Variants in TMEM131 observed in about 807,000 individuals in gnomAD.
TMEM131 encodes 2610524E03Rik.
TMEM131 carries 66 observed loss-of-function variants against 211.6 expected under a neutral mutation model. The observed-to-expected ratio is 0.31, with a 90% CI of 0.26 to 0.38. The LOEUF (loss-of-function observed/expected upper bound fraction) is 0.38, where lower values mean the gene tolerates loss of function less well. Ranked by LOEUF, TMEM131 falls within the 10% of genes least tolerant of loss-of-function variation. The pLI is 1.00. For synonymous variants in TMEM131, 844 were observed against 841.3 expected (o/e 1.00, Z -0.06); for missense variants, 2,036 against 2,299.3 (o/e 0.89, Z 2.34).
chr2:97,852,663 A>G (rs938183247), intron 5 of TMEM131, among the ~76,000 whole-genome samples: 2 of 152,260 alleles, frequency 1.3e-5, no homozygotes, highest in African/African-American at 4.8e-5. Flanking sequence ...AGTTGCAGCA[A>G]GTTATCCAGA....
intron 29 of TMEM131, among the ~76,000 whole-genome samples, chr2:97,794,683 A>G (rs1353018809): frequency 6.6e-6 from 1 of 152,226 alleles, no homozygotes; most frequent in Non-Finnish European, 1.5e-5. Flanking sequence ...GCATTTTAAA[A>G]AGATGTTAAA....
intron 4 of TMEM131, 56 bp from the exon 5 acceptor site, chr2:97,859,483 C>A: frequency 1.4e-6 from 2 of 1,407,216 alleles, no homozygotes; most frequent in Non-Finnish European, 1.9e-6. Flanking sequence ...CTGATTATTT[C>A]TAGTTGTTAA....
At chr2:97,830,142 A>AAC (rs1553602867) in intron 11 of TMEM131, among the ~76,000 whole-genome samples, 1 of 150,022 alleles carries the variant, frequency 6.7e-6, no homozygotes, top group African/African-American at 2.4e-5. Flanking sequence ...TAAAAAAAAA[A>AAC]AAAAAAAAAA....
At chr2:97,964,045 C>T (rs1445242454) in intron 1 of TMEM131, among the ~76,000 whole-genome samples, 2 of 152,152 alleles carry the variant, frequency 1.3e-5, no homozygotes, top group Non-Finnish European at 1.5e-5. Context: ...ATACTCCAAC[C>T]GACTTCCAAG....
chr2:97,803,964 T>C (rs1196008295), intron 22 of TMEM131, among the ~76,000 whole-genome samples: 1 of 152,214 alleles, frequency 6.6e-6, no homozygotes, highest in Non-Finnish European at 1.5e-5. Flanking sequence ...CTCTTTTGTA[T>C]TCATTTTAAC....
chr2:97,871,609 C>G (rs1409823945), intron 4 of TMEM131, among the ~76,000 whole-genome samples: 1 of 152,116 alleles, frequency 6.6e-6, no homozygotes, highest in African/African-American at 2.4e-5. Flanking sequence ...TCCTGTGGCC[C>G]CCACCCAAAG....
chr2:97,978,873 T>C (rs190932463), intron 1 of TMEM131, among the ~76,000 whole-genome samples: 1 of 152,332 alleles, frequency 6.6e-6, no homozygotes, highest in East Asian at 1.9e-4. Flanking sequence ...AGGTTTTCAA[T>C]GGACTTTGCC....
intron 4 of TMEM131, among the ~76,000 whole-genome samples, chr2:97,884,101 T>C (rs1675044086): frequency 6.6e-6 from 1 of 152,216 alleles, no homozygotes; most frequent in Non-Finnish European, 1.5e-5. Flanking sequence ...CTGTGCCCCA[T>C]AGGTTTTGGT....
intron 1 of TMEM131, among the ~76,000 whole-genome samples, chr2:97,956,846 C>T (rs931356134): frequency 7.2e-5 from 11 of 151,944 alleles, no homozygotes; most frequent in African/African-American, 2.7e-4. Context: ...CGGCTGTAAT[C>T]CCAGCAGTTT....
At position 97,965,484 on chromosome 2, in the gene TMEM131, G is replaced by A. The variant is rs115439653; in HGVS notation, c.187+29992C>T. On this transcript the variant is annotated intron_variant, in intron 1 of 40. Transcript: ENST00000186436. ...GCTGGACTCGGGGTACCCGCCAGGT[G>A]GTGTGGGGCTGGTTTCTCCAACATT... 6.2e-3 allele frequency among the ~76,000 whole-genome samples: 943 copies of A among 152,244 alleles called. 14 individuals carry two copies. Among genetic ancestry groups the A allele is most frequent in the African/African-American group, 0.02 (824 of 41,542 alleles).
chr2:97,776,339 G>A (rs952093251), intron 31 of TMEM131, among the ~76,000 whole-genome samples: 1 of 152,188 alleles, frequency 6.6e-6, no homozygotes, highest in African/African-American at 2.4e-5. Context: ...ACAGGCGTGA[G>A]CCACCATGCC....
chr2:97,800,022 C>T lies in TMEM131; in HGVS notation c.2718+1873G>A, dbSNP rs903528943. 4.6e-5 allele frequency among the ~76,000 whole-genome samples: 7 copies of T among 152,086 alleles called. No individual in the cohort carries two copies. The South Asian group carries it at 1.5e-3, about 32-fold the overall frequency. ...TAGGTAGTTTTCATTTTTGATGTTA[C>T]CTATGTTGAATGGAATAGGTTTATT... is the stretch of plus-strand genomic sequence containing the variant. On this transcript the variant is annotated intron_variant, in intron 25 of 40. Transcript: ENST00000186436.
At chr2:97,894,373 C>T (rs773584291) in intron 3 of TMEM131, among the ~76,000 whole-genome samples, 13 of 151,962 alleles carry the variant, frequency 8.6e-5, no homozygotes, top group African/African-American at 1.2e-4. Flanking sequence ...GTTCTTTTTT[C>T]GTTCCATATG....
chr2:97,835,503 C>A (rs1341070630), intron 8 of TMEM131, among the ~76,000 whole-genome samples: 1 of 152,210 alleles, frequency 6.6e-6, no homozygotes, highest in African/African-American at 2.4e-5. Flanking sequence ...CATTTATATA[C>A]TAAAAGGAAG....
chr2:97,898,675 TA>T (rs1675720556), intron 3 of TMEM131, among the ~76,000 whole-genome samples: 1 of 152,182 alleles, frequency 6.6e-6, no homozygotes, highest in African/African-American at 2.4e-5. Context: ...AATAAATGTC[TA>T]TTGTTTAAGC....
chr2:97,965,032 G>A (rs942300427), intron 1 of TMEM131, among the ~76,000 whole-genome samples: 1 of 152,178 alleles, frequency 6.6e-6, no homozygotes, highest in Non-Finnish European at 1.5e-5. Flanking sequence ...TTGCCTTCAT[G>A]TCTTTATGCC....
In TMEM131 at chr2:97,893,371, T is replaced by C. The variant is rs183957587; in HGVS notation, c.291-5251A>G. On this transcript the variant is annotated intron_variant, in intron 3 of 40. Transcript: ENST00000186436. ...AAACACATGTGTGCATGTGTCTTTATAGCAGAATGATTTATAGTCCTTTGG... is the reference window on the plus strand; with the variant it reads ...AAACACATGTGTGCATGTGTCTTTACAGCAGAATGATTTATAGTCCTTTGG... 1.1e-4 allele frequency among the ~76,000 whole-genome samples: 17 copies of C among 152,338 alleles called. No individual in the cohort carries two copies. In the East Asian group the frequency reaches 3.1e-3, roughly 28 times the overall value.
intron 1 of TMEM131, among the ~76,000 whole-genome samples, chr2:97,956,670 C>CTCT (rs1678579772): frequency 6.8e-6 from 1 of 147,854 alleles, no homozygotes. Context: ...TCTCTTTTTT[C>CTCT]ATTAAGTAGT....
chr2:97,938,757 A>T (rs1462602520), intron 1 of TMEM131, among the ~76,000 whole-genome samples: 1 of 152,216 alleles, frequency 6.6e-6, no homozygotes, highest in Non-Finnish European at 1.5e-5. Context: ...ACTTATTCCA[A>T]AATTGACCAC....
Sources: allele counts gnomAD v4.1 joint callset (sites outside exome capture counted in the v4.1 genomes callset), GRCh38; gene constraint gnomAD v4.1.1; transcripts MANE v1.5; gene names NCBI Gene and HGNC (gene_info 2026-07-23, HGNC 2026-07-21).